Variants in CRISPLD2 observed in about 807,000 individuals in gnomAD.
CRISPLD2 encodes the protein cysteine rich secretory protein LCCL domain containing 2.
Under a neutral mutation model 71.1 loss-of-function variants are expected in CRISPLD2, and 47 were observed. The ratio of observed to expected loss-of-function variants is 0.66; its 90% confidence interval spans 0.52 to 0.84. CRISPLD2 has a LOEUF of 0.84. Ranked by LOEUF, CRISPLD2 falls within the 40% of genes least tolerant of loss-of-function variation. The pLI, the probability that CRISPLD2 is intolerant of heterozygous loss-of-function variation, is 0.00. For missense variants in CRISPLD2, 830 were observed against 651.1 expected, an observed-to-expected ratio of 1.27 and a Z score of -2.99; for synonymous variants, 317 against 250.1, an observed-to-expected ratio of 1.27 and a Z score of -2.52.
chr16:84,873,784 G>C, intron 10 of CRISPLD2, 136 bp from the exon 11 acceptor site: 1 of 813,238 alleles, frequency 1.2e-6, no homozygotes, highest in Non-Finnish European at 1.9e-6. Context: ...GAGCTCTCAG[G>C]CTGATAGGAA....
chr16:84,884,892 C>T (rs993744945), intron 13 of CRISPLD2, among the ~76,000 whole-genome samples: 3 of 152,226 alleles, frequency 2.0e-5, no homozygotes, highest in Non-Finnish European at 4.4e-5. Context: ...GCCCCTCCCC[C>T]GCCAGGGCTT....
intron 11 of CRISPLD2, among the ~76,000 whole-genome samples, chr16:84,874,980 C>T (rs1362708910): frequency 6.6e-6 from 1 of 152,092 alleles, no homozygotes; most frequent in African/African-American, 2.4e-5. Context: ...GCAGCTGACA[C>T]CTGTAATCTC....
chr16:84,885,022 C>G (rs1396697795), intron 13 of CRISPLD2, among the ~76,000 whole-genome samples: 2 of 152,212 alleles, frequency 1.3e-5, no homozygotes, highest in Non-Finnish European at 2.9e-5. Flanking sequence ...CTGAGAGAGA[C>G]AGAAAGCCTG....
chr16:84,858,827 A>G (rs2085789022), intron 6 of CRISPLD2, among the ~76,000 whole-genome samples: 1 of 152,242 alleles, frequency 6.6e-6, no homozygotes, highest in Admixed American at 6.5e-5. Flanking sequence ...CAGTGGCTGC[A>G]TACCAGGTAC....
chr16:84,908,685 T>C lies in CRISPLD2; in HGVS notation c.*2043T>C. 1.7e-5 allele frequency: 1 copy of C among 58,896 alleles called. No homozygotes were observed. The highest frequency in any genetic ancestry group is 4.2e-4 in the South Asian group (1 of 2,380). The allele number at this position is 58,896 out of a possible 1,614,324, so 3.6% of individuals were successfully genotyped here. A position where few individuals can be genotyped will look rare whatever the true frequency, so the allele number is the denominator to read the frequency against. ...CCAGAGCAGGACCTGGCTGTCTTTTTTTTTTTTTTTTTTTTTTTCCCGAGA... is the reference window on the plus strand; with the variant it reads ...CCAGAGCAGGACCTGGCTGTCTTTTCTTTTTTTTTTTTTTTTTTCCCGAGA... On this transcript the variant is annotated 3_prime_UTR_variant, in exon 15 of 15. Transcript: ENST00000262424.
intron 6 of CRISPLD2, among the ~76,000 whole-genome samples, chr16:84,860,179 A>G (rs954638225): frequency 2.0e-5 from 3 of 152,228 alleles, no homozygotes; most frequent in Non-Finnish European, 4.4e-5. Flanking sequence ...AAGCAAATAA[A>G]GCAAATAAAA....
intron 6 of CRISPLD2, among the ~76,000 whole-genome samples, chr16:84,860,112 G>A (rs551702398): frequency 6.6e-6 from 1 of 151,850 alleles, no homozygotes; most frequent in African/African-American, 2.4e-5. Flanking sequence ...CAAGGGAGAT[G>A]AGGCATTTCC....
Position 84,906,945 on chromosome 16 carries a change from A to C in CRISPLD2, c.*303A>C. 2.3e-6 allele frequency: 1 copy of C among 435,766 alleles called. No individual in the cohort carries two copies. Among genetic ancestry groups the C allele is most frequent in the East Asian group, 4.7e-5 (1 of 21,206 alleles). The allele number at this position is 435,766 out of a possible 1,614,324, so 27.0% of individuals were successfully genotyped here. ...TCTCTTAAAGGGGACAGTTGCCCAAAATGTTCCTTGCTATGTGTTCTTCTG... is the reference window on the plus strand; with the variant it reads ...TCTCTTAAAGGGGACAGTTGCCCAACATGTTCCTTGCTATGTGTTCTTCTG... On this transcript the variant is annotated 3_prime_UTR_variant, in exon 15 of 15. Transcript: ENST00000262424.
chr16:84,828,439 T>C (rs910741779), intron 1 of CRISPLD2: 4 of 152,238 alleles, frequency 2.6e-5, no homozygotes, highest in South Asian at 2.1e-4. Flanking sequence ...CCCAGCTCCA[T>C]GCAGTGGCGG....
At chr16:84,849,273 C>A in intron 3 of CRISPLD2, 112 bp from the exon 4 acceptor site, 1 of 1,054,666 alleles carries the variant, frequency 9.5e-7, no homozygotes, top group Admixed American at 2.3e-5. Flanking sequence ...TGGAATTGGC[C>A]GCTATTCACC....
In CRISPLD2 at chr16:84,859,260, C is replaced by G. The variant is rs190403962; in HGVS notation, c.709+4431C>G. Among the ~76,000 whole-genome samples, 641 of 152,242 alleles carry G rather than the reference C, an allele frequency of 4.2e-3. 8 individuals are homozygous for G. Among genetic ancestry groups the G allele is most frequent in the African/African-American group, 0.015 (617 of 41,534 alleles). ...ACCACAGGATGAATCTAGGGACCCA[C>G]TGTAAGCCAGACCTGAGCTAAAACT... is the stretch of plus-strand genomic sequence containing the variant. On this transcript the variant is annotated intron_variant, in intron 6 of 14. Transcript: ENST00000262424.
chr16:84,886,473 A>C (rs1004265542), intron 13 of CRISPLD2, among the ~76,000 whole-genome samples: 20 of 152,112 alleles, frequency 1.3e-4, no homozygotes, highest in African/African-American at 4.8e-4. Flanking sequence ...TTACTTCTGC[A>C]ATGGCTCCCT....
chr16:84,843,240 C>A (rs1597453089), intron 2 of CRISPLD2, among the ~76,000 whole-genome samples: 1 of 152,176 alleles, frequency 6.6e-6, no homozygotes, highest in South Asian at 2.1e-4. Flanking sequence ...GTGGCAGGGG[C>A]CCTGCCACTC....
At position 84,909,401 on chromosome 16, in the gene CRISPLD2, C is replaced by T. The variant is rs1219869596; in HGVS notation, c.*2759C>T. 6.6e-6 allele frequency: 1 copy of T among 152,644 alleles called. No homozygotes were observed. The highest frequency in any genetic ancestry group is 1.5e-5 in the Non-Finnish European group (1 of 68,040). The allele number at this position is 152,644 out of a possible 1,614,324, so 9.5% of individuals were successfully genotyped here. On this transcript the variant is annotated 3_prime_UTR_variant, in exon 15 of 15. Transcript: ENST00000262424. Reference sequence around the variant, plus strand: ...TTGTGCTTTGCATGAACAGGGGCCACGTTGTTGCAATTGTTTCAGTAGAAC... The same window carrying T: ...TTGTGCTTTGCATGAACAGGGGCCATGTTGTTGCAATTGTTTCAGTAGAAC...
At chr16:84,867,552 G>A (rs1917575288) in intron 7 of CRISPLD2, among the ~76,000 whole-genome samples, 1 of 152,190 alleles carries the variant, frequency 6.6e-6, no homozygotes, top group South Asian at 2.1e-4. Flanking sequence ...TGTACATTGA[G>A]ATCATTGCAG....
At chr16:84,821,203 A>T (rs905740473) in intron 1 of CRISPLD2, among the ~76,000 whole-genome samples, 6 of 152,138 alleles carry the variant, frequency 3.9e-5, no homozygotes, top group Admixed American at 2.6e-4. Context: ...CTGATGTCTG[A>T]CAGTGAGGAG....
chr16:84,866,070 G>A (rs1917526553), intron 6 of CRISPLD2, among the ~76,000 whole-genome samples: 1 of 152,062 alleles, frequency 6.6e-6, no homozygotes, highest in South Asian at 2.1e-4. Context: ...GGATGGAAGT[G>A]GGCTGGTGTG....
At chr16:84,821,706 G>A (rs1916234893) in intron 1 of CRISPLD2, among the ~76,000 whole-genome samples, 1 of 152,224 alleles carries the variant, frequency 6.6e-6, no homozygotes, top group Non-Finnish European at 1.5e-5. Flanking sequence ...CCAGGGAGGA[G>A]AAACCAAGAG....
At chr16:84,873,487 A>G (rs1390450741) in intron 10 of CRISPLD2, 3 of 167,148 alleles carry the variant, frequency 1.8e-5, no homozygotes, top group African/African-American at 7.3e-5. Flanking sequence ...CAAAAAAAAA[A>G]AAAAGAAAAC....
Sources: gnomAD v4.1 joint callset for allele counts (sites outside exome capture counted in the v4.1 genomes callset) on GRCh38, gnomAD v4.1.1 for gene constraint, MANE v1.5 for transcripts, NCBI Gene and HGNC (gene_info 2026-07-23, HGNC 2026-07-21) for gene names.